The following ZNF202 variants were observed in gnomAD, a reference collection of about 807,000 sequenced individuals.
The protein encoded by ZNF202 is zinc finger protein with KRAB and SCAN domains 10.
In ZNF202, 22 loss-of-function variants were observed where a neutral mutation model predicts 54.5. That is an observed-to-expected ratio of 0.40 (90% confidence interval 0.29 to 0.58). The LOEUF is 0.58. Ranked by LOEUF, ZNF202 falls within the 20% of genes least tolerant of loss-of-function variation. ZNF202 has a pLI of 0.39. For synonymous variants in ZNF202, 294 were observed against 301.4 expected (o/e 0.98, Z 0.26); for missense variants, 644 against 805.5 (o/e 0.80, Z 2.43).
intron 5 of ZNF202, among the ~76,000 whole-genome samples, 170 bp from the exon 6 acceptor site, chr11:123,729,384 G>A (rs1044351479): frequency 6.6e-6 from 1 of 152,166 alleles, no homozygotes; most frequent in Admixed American, 6.5e-5. Flanking sequence ...CATCACCTAT[G>A]AGACTATCAG....
intron 8 of ZNF202, 114 bp downstream of exon 8, chr11:123,727,362 A>G (rs557972498): frequency 2.8e-6 from 4 of 1,425,400 alleles, no homozygotes; most frequent in African/African-American, 2.8e-5. Flanking sequence ...AGAAAGCAGT[A>G]CTGGCTGACA....
At chr11:123,727,214 G>C (rs1861190438) in intron 8 of ZNF202, among the ~76,000 whole-genome samples, 1 of 152,182 alleles carries the variant, frequency 6.6e-6, no homozygotes, top group Admixed American at 6.5e-5. Context: ...GGGTTTAAGG[G>C]AATTGTACAG....
Position 123,726,968 on chromosome 11 carries a change from C to G in ZNF202, c.976G>C (p.Glu326Gln). 5 of 1,613,044 alleles carry G rather than the reference C, an allele frequency of 3.1e-6. No individual in the cohort carries two copies. The highest frequency in any genetic ancestry group is 4.2e-6 in the Non-Finnish European group (5 of 1,179,776). Residue 326 changes from glutamate (E) to glutamine (Q), a missense_variant, in exon 9 of 9, where the codon GAG becomes CAG. By Grantham distance (29) the Glu-to-Gln change is conservative. Coordinates refer to ENST00000530393, the MANE Select transcript of ZNF202 (RefSeq NM_003455.4). The surrounding 1 kb of genome is among the most constrained non-coding windows in gnomAD (Gnocchi z 6.0). ...CTCAGATCTTCCTGCTCCAGACACT[C>G]TTCCTCATCTTTACTCCTATCTCCT... is the stretch of plus-strand genomic sequence containing the variant. ...YTGDRSKDEE[E>Q]CLEQEDLSLE...
chr11:123,729,941 A>G (rs1437784094), intron 4 of ZNF202, 116 bp from the exon 5 acceptor site: 1 of 1,075,556 alleles, frequency 9.3e-7, no homozygotes, highest in African/African-American at 1.6e-5. Flanking sequence ...GGACCCAGAC[A>G]AGGAGGGGAA....
In ZNF202 at chr11:123,729,110, G is replaced by T. The variant is rs1861286136; in HGVS notation, c.702+16C>A. 6.2e-7 allele frequency: 1 copy of T among 1,612,868 alleles called. No homozygotes were observed. Among genetic ancestry groups the T allele is most frequent in the Non-Finnish European group, 8.5e-7 (1 of 1,179,494 alleles). Reference sequence around the variant, plus strand: ...TCAAACAAATTCTCTGTGGTACAGAGGTAACTAGGGCACACCTGTGACAGA... The same window carrying T: ...TCAAACAAATTCTCTGTGGTACAGATGTAACTAGGGCACACCTGTGACAGA... On this transcript the variant is annotated intron_variant, in intron 6 of 8. Coordinates refer to ENST00000530393, the MANE Select transcript of ZNF202 (RefSeq NM_003455.4).
At position 123,736,605 on chromosome 11, in the gene ZNF202, T is replaced by A. The variant is rs1861641473; in HGVS notation, c.-98+3512A>T. The stretch of plus-strand genomic sequence containing the variant: ...GATTAGCCCAGTACAATCCTTCTAA[T>A]GGACATATTCTTTTATTCTTGATTG... On this transcript the variant is annotated intron_variant, in intron 3 of 8. Coordinates refer to ENST00000530393, the MANE Select transcript of ZNF202 (RefSeq NM_003455.4). 2.6e-5 allele frequency among the ~76,000 whole-genome samples: 4 copies of A among 152,350 alleles called. No homozygotes were observed. In the South Asian group the frequency reaches 8.3e-4, roughly 32 times the overall value.
intron 3 of ZNF202, among the ~76,000 whole-genome samples, chr11:123,731,920 A>G (rs1291550217): frequency 6.6e-6 from 1 of 152,146 alleles, no homozygotes. Context: ...ATCAGCCCCC[A>G]ATCTATTTTT....
In ZNF202 at chr11:123,725,721, T is replaced by G; in HGVS notation, c.*276A>C. 1 of 397,600 alleles carries G rather than the reference T, an allele frequency of 2.5e-6. No individual in the cohort carries two copies. Among genetic ancestry groups the G allele is most frequent in the East Asian group, 4.0e-5 (1 of 25,202 alleles). The allele number at this position is 397,600 out of a possible 1,614,324, so 24.6% of individuals were successfully genotyped here. On this transcript the variant is annotated 3_prime_UTR_variant, in exon 9 of 9. Coordinates refer to ENST00000530393, the MANE Select transcript of ZNF202 (RefSeq NM_003455.4). Reference sequence around the variant, plus strand: ...GACCTCTTAAGTCTCTTAGTTCTCCTACTTTATACCCATGAGGTAGAGGCA... The same window carrying G: ...GACCTCTTAAGTCTCTTAGTTCTCCGACTTTATACCCATGAGGTAGAGGCA...
Position 123,730,294 on chromosome 11 carries a change from G to C in ZNF202, c.402+193C>G, listed in dbSNP as rs1017053957. ...AGACCCCTCAGATGGTCCCTATACA[G>C]GTGTTCCAATATCCAGAAAGTCACA... is the stretch of plus-strand genomic sequence containing the variant. On this transcript the variant is annotated intron_variant, in intron 4 of 8. Transcript: ENST00000530393. This position sits in a 1 kb window ranked among gnomAD's most constrained non-coding sequence, Gnocchi z 6.0. Among the ~76,000 whole-genome samples, 1 of 152,158 alleles carries C rather than the reference G, an allele frequency of 6.6e-6. No homozygotes were observed. Among genetic ancestry groups the C allele is most frequent in the African/African-American group, 2.4e-5 (1 of 41,448 alleles).
At chr11:123,732,290 C>A (rs1414119968) in intron 3 of ZNF202, among the ~76,000 whole-genome samples, 2 of 152,176 alleles carry the variant, frequency 1.3e-5, no homozygotes, top group Non-Finnish European at 2.9e-5. Context: ...ATCTAAGATC[C>A]TTCCATCACT....
Position 123,730,968 on chromosome 11 carries a change from G to A in ZNF202, c.-80C>T. Reference sequence around the variant, plus strand: ...CCCGCCTCAGCCTGGACACAGCGAGGATTTTCTTCCAAGGGCCCTGGATAG... The same window carrying A: ...CCCGCCTCAGCCTGGACACAGCGAGAATTTTCTTCCAAGGGCCCTGGATAG... On this transcript the variant is annotated 5_prime_UTR_variant, in exon 4 of 9. Coordinates refer to ENST00000530393, the MANE Select transcript of ZNF202 (RefSeq NM_003455.4). This position sits in a 1 kb window ranked among gnomAD's most constrained non-coding sequence, Gnocchi z 6.0. The A allele has an allele frequency of 6.6e-7, 1 of 1,508,208 alleles. No homozygotes were observed. Among genetic ancestry groups the A allele is most frequent in the Non-Finnish European group, 8.9e-7 (1 of 1,126,216 alleles). The allele number at this position is 1,508,208 out of a possible 1,614,324, so 93.4% of individuals were successfully genotyped here. A position where few individuals can be genotyped will look rare whatever the true frequency, so the allele number is the denominator to read the frequency against.
At chr11:123,727,187 C>G (rs1290063805) in intron 8 of ZNF202, among the ~76,000 whole-genome samples, 196 bp from the exon 9 acceptor site, 1 of 152,202 alleles carries the variant, frequency 6.6e-6, no homozygotes, top group Non-Finnish European at 1.5e-5. Context: ...TTTACAAATG[C>G]AGAGATTGAG....
intron 3 of ZNF202, among the ~76,000 whole-genome samples, chr11:123,739,706 C>T (rs759549912): frequency 1.3e-5 from 2 of 152,202 alleles, no homozygotes; most frequent in African/African-American, 2.4e-5. Context: ...TAGTTTCCAA[C>T]ACAGAAGTAC....
chr11:123,726,241 C>G lies in ZNF202; in HGVS notation c.1703G>C (p.Ser568Thr). Residue 568 changes from serine to threonine, a missense_variant, in exon 9 of 9, where the codon AGC becomes ACC. This residue lies in a region of ZNF202 where 536 missense variants were observed against 635.3 expected (regional missense o/e 0.84). Transcript: ENST00000530393. The surrounding 1 kb of genome is among the most constrained non-coding windows in gnomAD (Gnocchi z 6.0). The part of the protein sequence containing the change: ...THAAEELYLC[S>T]ECGRCFTHSA... ...GTGGGTGAAGCAGCGCCCGCACTCG[C>G]TGCAGAGGTAGAGTTCCTCAGCAGC... The G allele has an allele frequency of 6.2e-7, 1 of 1,614,246 alleles. No individual in the cohort carries two copies. Among genetic ancestry groups the G allele is most frequent in the Middle Eastern group, 1.6e-4 (1 of 6,062 alleles).
chr11:123,726,351 G>A lies in ZNF202; in HGVS notation c.1593C>T (p.His531=). The A allele has an allele frequency of 6.2e-7, 1 of 1,614,218 alleles. No individual in the cohort carries two copies. The highest frequency in any genetic ancestry group is 8.5e-7 in the Non-Finnish European group (1 of 1,180,050). ...KSVLTTHQRI[H]LGGKPYLCGE... The stretch of plus-strand genomic sequence containing the variant: ...CACACAAGTAGGGTTTGCCTCCCAG[G>A]TGGATTCTTTGGTGTGTTGTTAACA... Residue 531 remains histidine, a synonymous_variant, in exon 9 of 9, where the codon CAC becomes CAT. Transcript: ENST00000530393. This position sits in a 1 kb window ranked among gnomAD's most constrained non-coding sequence, Gnocchi z 6.0.
chr11:123,741,121 T>A (rs892165546), intron 1 of ZNF202, among the ~76,000 whole-genome samples: 1 of 151,746 alleles, frequency 6.6e-6, no homozygotes, highest in African/African-American at 2.4e-5. Flanking sequence ...GCGGAGATGA[T>A]CTTAAGCAAT....
chr11:123,726,045 T>G lies in ZNF202; in HGVS notation c.1899A>C (p.Gly633=), dbSNP rs762451788. 3.7e-5 allele frequency: 59 copies of G among 1,614,002 alleles called. No homozygotes were observed. In the South Asian group the frequency reaches 6.3e-4, roughly 17 times the overall value. Reference sequence around the variant, plus strand: ...TCCTCTGATGCCTAATTAAGTGATATCCTCTGCTGAAGCTTTTTCCACAGG... The same window carrying G: ...TCCTCTGATGCCTAATTAAGTGATAGCCTCTGCTGAAGCTTTTTCCACAGG... ...CPTCGKSFSR[G]YHLIRHQRTH... is the part of the protein sequence containing the mutation. The change falls in exon 9 of 9, where the codon GGA becomes GGC. Residue 633 remains glycine, a synonymous_variant. Transcript: ENST00000530393. This position sits in a 1 kb window ranked among gnomAD's most constrained non-coding sequence, Gnocchi z 6.0.
rs1055903635 is a variant in ZNF202 at position 123,730,628 on chromosome 11, C to G, written c.261G>C (p.Glu87Asp). ...PERRTKEQIL[E>D]LLVLEQFLTV... ...TAAGAAATTGTTCCAGCACAAGCAG[C>G]TCTAGGATCTGCTCCTTTGTCCGCC... Residue 87 changes from glutamate to aspartate, a missense_variant, in exon 4 of 9, where the codon GAG becomes GAC. Transcript: ENST00000530393. This position sits in a 1 kb window ranked among gnomAD's most constrained non-coding sequence, Gnocchi z 6.0. 14 of 1,613,468 alleles carry G rather than the reference C, an allele frequency of 8.7e-6. No individual in the cohort carries two copies. The highest frequency in any genetic ancestry group is 1.2e-5 in the Non-Finnish European group (14 of 1,179,660).
Position 123,726,443 on chromosome 11 carries a change from T to C in ZNF202, c.1501A>G (p.Arg501Gly). Reference sequence around the variant, plus strand: ...AAGGGTTTTTCTCCAGTATGTGTCCTCTGATGTCTGACAAGGTCTGAAGTC... The same window carrying C: ...AAGGGTTTTTCTCCAGTATGTGTCCCCTGATGTCTGACAAGGTCTGAAGTC... ...RWTSDLVRHQRTHTGEKPFFC... is the reference protein window; with the variant it reads ...RWTSDLVRHQGTHTGEKPFFC... Residue 501 changes from arginine (R) to glycine (G), a missense_variant, in exon 9 of 9, where the codon AGG (arginine) becomes GGG (glycine). By Grantham distance (125) the Arg-to-Gly change is moderately radical. Coordinates refer to ENST00000530393, the MANE Select transcript of ZNF202 (RefSeq NM_003455.4). The surrounding 1 kb of genome is among the most constrained non-coding windows in gnomAD (Gnocchi z 6.0). 1 of 1,614,242 alleles carries C rather than the reference T, an allele frequency of 6.2e-7. No homozygotes were observed. The highest frequency in any genetic ancestry group is 1.7e-5 in the Admixed American group (1 of 60,028).
Sources: gnomAD v4.1 joint callset for allele counts (sites outside exome capture counted in the v4.1 genomes callset) on GRCh38, gnomAD v4.1.1 for gene constraint, gnomAD v4.1.1 regional missense constraint, Gnocchi (gnomAD v3.1) non-coding constraint, MANE v1.5 for transcripts, NCBI Gene and HGNC (gene_info 2026-07-23, HGNC 2026-07-21) for gene names.